The following LAMC1 variants were observed in gnomAD, a reference collection of about 807,000 sequenced individuals.
LAMC1 encodes laminin subunit gamma-1.
A neutral mutation model predicts 173.6 loss-of-function variants in LAMC1; 38 were observed. That is an observed-to-expected ratio of 0.22 (90% CI 0.17 to 0.29). LAMC1 has a LOEUF of 0.29. Ranked by LOEUF, LAMC1 falls within the 10% of genes least tolerant of loss-of-function variation. The pLI is 1.00. For synonymous variants in LAMC1, 746 were observed against 749.1 expected (o/e 1.00, Z 0.07); for missense variants, 1,824 against 2,051.8 (o/e 0.89, Z 2.14).
intron 1 of LAMC1, among the ~76,000 whole-genome samples, chr1:183,033,769 G>A (rs1418006475): frequency 6.6e-6 from 1 of 152,028 alleles, no homozygotes. Flanking sequence ...TTGGCTCACT[G>A]CAACCTCCAC....
intron 1 of LAMC1, among the ~76,000 whole-genome samples, chr1:183,051,538 GGTT>G (rs1227155225): frequency 6.6e-6 from 1 of 152,184 alleles, no homozygotes; most frequent in Non-Finnish European, 1.5e-5. Context: ...TAAAAATGGT[GGTT>G]GTTTTAAGCC....
intron 1 of LAMC1, among the ~76,000 whole-genome samples, chr1:183,062,144 A>C (rs534449909): frequency 6.6e-6 from 1 of 152,360 alleles, no homozygotes; most frequent in East Asian, 1.9e-4. Context: ...GTGGAAATCT[A>C]TGTTTCAATC....
At chr1:183,065,007 A>G (rs1432448716) in intron 1 of LAMC1, among the ~76,000 whole-genome samples, 1 of 152,122 alleles carries the variant, frequency 6.6e-6, no homozygotes, top group Non-Finnish European at 1.5e-5. Context: ...ACATGGGGAA[A>G]ATGTGCAAAC....
At chr1:183,084,569 G>A (rs1017371860) in intron 1 of LAMC1, among the ~76,000 whole-genome samples, 4 of 152,150 alleles carry the variant, frequency 2.6e-5, no homozygotes, top group African/African-American at 4.8e-5. Flanking sequence ...AGTAATTGGT[G>A]GTCTAAAATG....
Position 183,117,650 on chromosome 1 carries a change from T to G in LAMC1, c.1804T>G (p.Leu602Val). 1 of 1,614,238 alleles carries G rather than the reference T, an allele frequency of 6.2e-7. No homozygotes were observed. The highest frequency in any genetic ancestry group is 8.5e-7 in the Non-Finnish European group (1 of 1,180,032). The change falls in exon 10 of 28, where the codon TTA becomes GTA. Residue 602 changes from leucine to valine, a missense_variant. Leu to Val is a conservative substitution (Grantham distance 32). Transcript: ENST00000258341. ...AEDLVLEGAG[L>V]RVSVPLIAQG... ...AGACCTTGTGCTTGAGGGAGCTGGC[T>G]TAAGAGTATCTGTACCCTTGATCGC...
At chr1:183,042,827 C>G (rs138474102) in intron 1 of LAMC1, among the ~76,000 whole-genome samples, 1 of 152,278 alleles carries the variant, frequency 6.6e-6, no homozygotes, top group African/African-American at 2.4e-5. Context: ...GCACTGAGAT[C>G]CCACTGTACC....
rs1277992087 is a variant in LAMC1 at position 183,140,491 on chromosome 1, T to C, written c.4561T>C (p.Leu1521=). The change falls in exon 27 of 28, where the codon TTG becomes CTG. Residue 1521 remains leucine, a synonymous_variant. Coordinates refer to ENST00000258341, the MANE Select transcript of LAMC1 (RefSeq NM_002293.4). ...CCTCCTCAGCATTATTAATGACCTC[T>C]TGGAGCAGCTGGGTACGTAGCCATA... ...TSLLSIINDL[L]EQLGQLDTVD... The C allele has an allele frequency of 2.5e-6, 4 of 1,611,966 alleles. No individual in the cohort carries two copies. In the South Asian group the frequency reaches 4.4e-5, roughly 18 times the overall value.
chr1:183,029,147 GTTCTGGGTAGCTATAACTTCACCCGT>G (rs1386563924), intron 1 of LAMC1, among the ~76,000 whole-genome samples: 1 of 152,188 alleles, frequency 6.6e-6, no homozygotes, highest in East Asian at 1.9e-4. Context: ...TGGTCGGTCG[GTTCTGGGTAGCTATAACTTCACCCGT>G]TTCTTTCCCA....
rs774656974 is a variant in LAMC1 at position 183,114,672 on chromosome 1, G to A, written c.1163G>A (p.Arg388His). Reference protein sequence around the residue: ...HCERCRENFFRLGNNEACSSC... With the variant: ...HCERCRENFFHLGNNEACSSC... ...GAGAGGTGCCGAGAGAACTTCTTCC[G>A]CCTTGGCAACAATGAAGCCTGCTCT... Residue 388 changes from arginine (R) to histidine (H), a missense_variant, in exon 5 of 28, where the codon CGC becomes CAC. By Grantham distance (29) the Arg-to-His change is conservative. Transcript: ENST00000258341. 27 of 1,614,178 alleles carry A rather than the reference G, an allele frequency of 1.7e-5. No homozygotes were observed. The highest frequency in any genetic ancestry group is 1.1e-4 in the African/African-American group (8 of 75,038).
intron 1 of LAMC1, among the ~76,000 whole-genome samples, chr1:183,052,741 T>C (rs10911210): frequency 0.12 from 17,843 of 152,262 alleles, 1,176 homozygotes; most frequent in Admixed American, 0.2. Flanking sequence ...GGTGTGTGTC[T>C]TATAATAATA....
At chr1:183,061,618 GTTC>G (rs1654747744) in intron 1 of LAMC1, among the ~76,000 whole-genome samples, 2 of 151,982 alleles carry the variant, frequency 1.3e-5, no homozygotes, top group Non-Finnish European at 2.9e-5. Context: ...ATTACTGTAA[GTTC>G]TTTTGTTCAT....
At chr1:183,054,711 T>G (rs1654538012) in intron 1 of LAMC1, among the ~76,000 whole-genome samples, 1 of 152,218 alleles carries the variant, frequency 6.6e-6, no homozygotes, top group African/African-American at 2.4e-5. Flanking sequence ...GTCTACTTTA[T>G]GCTAGACACA....
At chr1:183,140,341 A>G in intron 26 of LAMC1, 63 bp from the exon 27 acceptor site, 1 of 968,874 alleles carries the variant, frequency 1.0e-6, no homozygotes, top group Non-Finnish European at 1.5e-6. Context: ...GTCATTGGGA[A>G]AAAAGATTTA....
At chr1:183,027,745 T>A (rs1653727027) in intron 1 of LAMC1, among the ~76,000 whole-genome samples, 1 of 152,222 alleles carries the variant, frequency 6.6e-6, no homozygotes, top group Admixed American at 6.5e-5. Flanking sequence ...AATTGATATA[T>A]AAGGCTATTG....
chr1:183,046,778 ACT>A (rs1654278094), intron 1 of LAMC1, among the ~76,000 whole-genome samples: 1 of 152,010 alleles, frequency 6.6e-6, no homozygotes, highest in African/African-American at 2.4e-5. Flanking sequence ...CCAAGCCTTA[ACT>A]CTTTTACTTT....
At chr1:183,079,146 A>G (rs1185783885) in intron 1 of LAMC1, among the ~76,000 whole-genome samples, 1 of 150,536 alleles carries the variant, frequency 6.6e-6, no homozygotes, top group Non-Finnish European at 1.5e-5. Context: ...GTTTGCCATA[A>G]TTTGATAGAA....
rs145775463 is a variant in LAMC1, at chr1:183,131,923, C to G, written c.3567-477C>G. On this transcript the variant is annotated intron_variant, in intron 20 of 27. Coordinates refer to ENST00000258341, the MANE Select transcript of LAMC1 (RefSeq NM_002293.4). ...TTAGAATGCTATTCATAAATTCAGC[C>G]CCACTGAAATGATCACAAAATTCCA... Among the ~76,000 whole-genome samples the G allele has an allele frequency of 9.4e-3, 1,424 of 152,230 alleles. 14 individuals are homozygous for G. Among genetic ancestry groups the G allele is most frequent in the Non-Finnish European group, 0.015 (1,004 of 68,026 alleles).
At chr1:183,133,576 C>T (rs773613311) in intron 22 of LAMC1, 26 bp downstream of exon 22, 29 of 1,583,510 alleles carry the variant, frequency 1.8e-5, no homozygotes, top group Non-Finnish European at 2.4e-5. Flanking sequence ...GTACGCACAG[C>T]CCCACCCCGT....
rs1369964295 is a variant in LAMC1, at chr1:183,116,573, A to C, written c.1329-4A>C. The C allele has an allele frequency of 1.3e-6, 2 of 1,580,416 alleles. No homozygotes were observed. The highest frequency in any genetic ancestry group is 1.7e-6 in the Non-Finnish European group (2 of 1,152,892). On this transcript the variant is annotated splice_region_variant and splice_polypyrimidine_tract_variant and intron_variant, in intron 6 of 27. Transcript: ENST00000258341. ...GATTGTTTTATCCATTTTTCATTGA[A>C]TAGGCCATGCTCTTGTGATCCCTCT... is the stretch of plus-strand genomic sequence containing the variant.
Sources: allele counts gnomAD v4.1 joint callset (sites outside exome capture counted in the v4.1 genomes callset), GRCh38; gene constraint gnomAD v4.1.1; transcripts MANE v1.5; gene names NCBI Gene and HGNC (gene_info 2026-07-23, HGNC 2026-07-21).